Variants in CNBD1 observed in about 807,000 individuals in gnomAD.
CNBD1 encodes the protein cyclic nucleotide-binding domain-containing protein 1.
Under a neutral mutation model 54.4 loss-of-function variants are expected in CNBD1, and 71 were observed. The ratio of observed to expected loss-of-function variants is 1.30; its 90% CI spans 1.08 to 1.59. CNBD1 has a LOEUF of 1.59. CNBD1 is among the 40% of genes most tolerant of loss of function. The probability of loss-of-function intolerance (pLI) is 0.00; values close to 1 mark genes in which losing one functional copy is unlikely to be tolerated. For synonymous variants in CNBD1, 182 were observed against 170.7 expected (o/e 1.07, Z -0.51); for missense variants, 659 against 518.0 (o/e 1.27, Z -2.64).
At chr8:86,900,206 T>C (rs1365196217) in intron 2 of CNBD1, among the ~76,000 whole-genome samples, 1 of 149,998 alleles carries the variant, frequency 6.7e-6, no homozygotes, top group Non-Finnish European at 1.5e-5. Flanking sequence ...ATAAGGTATG[T>C]TCTAAGGTAT....
chr8:86,893,505 T>G (rs1270406182), intron 2 of CNBD1, among the ~76,000 whole-genome samples: 1 of 152,128 alleles, frequency 6.6e-6, no homozygotes, highest in African/African-American at 2.4e-5. Flanking sequence ...TTACTCAAAT[T>G]AGAGGAGTTG....
rs577066512 is a variant in CNBD1, at chr8:87,228,042, A to G, written c.578-8877A>G. 3.3e-5 allele frequency among the ~76,000 whole-genome samples: 5 copies of G among 151,808 alleles called. No individual in the cohort carries two copies. The South Asian group carries it at 1.0e-3, about 32-fold the overall frequency. On this transcript the variant is annotated intron_variant, in intron 5 of 10. Transcript: ENST00000518476. ...TTCCAGTTGATCGCATCGGCTCCTGAGGCTTCTGCATTCTTCCCGTAGTTC... is the reference window on the plus strand; with the variant it reads ...TTCCAGTTGATCGCATCGGCTCCTGGGGCTTCTGCATTCTTCCCGTAGTTC...
In CNBD1 at chr8:87,276,010, A is replaced by T. The variant is rs528985390; in HGVS notation, c.772-8668A>T. 6.6e-5 allele frequency among the ~76,000 whole-genome samples: 10 copies of T among 152,092 alleles called. No homozygotes were observed. The East Asian group carries it at 1.9e-3, about 29-fold the overall frequency. On this transcript the variant is annotated intron_variant, in intron 6 of 10. Coordinates refer to ENST00000518476, the MANE Select transcript of CNBD1 (RefSeq NM_173538.3). ...TAAAAAACCTAGGAATCCACCTTAC[A>T]AGGGACCTGAAGGACAAATAAATTT... is the stretch of plus-strand genomic sequence containing the variant.
intron 6 of CNBD1, among the ~76,000 whole-genome samples, chr8:87,243,618 T>C (rs924177308): frequency 6.6e-6 from 1 of 152,180 alleles, no homozygotes; most frequent in African/African-American, 2.4e-5. Context: ...ATGGGCATTT[T>C]TGAAAGTGGT....
intron 4 of CNBD1, among the ~76,000 whole-genome samples, chr8:86,988,973 C>CA (rs1301300055): frequency 5.3e-5 from 8 of 151,910 alleles, no homozygotes; most frequent in Non-Finnish European, 1.2e-4. Context: ...AATAGTGCTG[C>CA]AAAAAACATG....
intron 8 of CNBD1, among the ~76,000 whole-genome samples, chr8:87,316,621 CT>C (rs540254059): frequency 9.3e-5 from 14 of 150,612 alleles, no homozygotes; most frequent in African/African-American, 1.5e-4. Context: ...TTCTATTACA[CT>C]TTTTTTTTGC....
intron 6 of CNBD1, among the ~76,000 whole-genome samples, chr8:87,257,122 C>A (rs959429452): frequency 1.3e-5 from 2 of 152,090 alleles, no homozygotes; most frequent in East Asian, 1.9e-4. Flanking sequence ...GTAATCCCAG[C>A]GCTTTGGGAG....
At chr8:87,100,350 A>G (rs1250499244) in intron 4 of CNBD1, among the ~76,000 whole-genome samples, 1 of 152,220 alleles carries the variant, frequency 6.6e-6, no homozygotes, top group Non-Finnish European at 1.5e-5. Context: ...AGAAACAGGC[A>G]AAAACTAAAG....
At chr8:87,284,116 A>G (rs13439527) in intron 6 of CNBD1, among the ~76,000 whole-genome samples, 42,732 of 151,904 alleles carry the variant, frequency 0.28, 6,462 homozygotes, top group African/African-American at 0.39. Flanking sequence ...CTTTTTCCTG[A>G]GTAAATATAA....
At chr8:87,278,575 G>T (rs1342950358) in intron 6 of CNBD1, among the ~76,000 whole-genome samples, 1 of 151,418 alleles carries the variant, frequency 6.6e-6, no homozygotes, top group African/African-American at 2.4e-5. Context: ...CCATCTTTTT[G>T]AATGAAGGCA....
chr8:86,915,040 G>A (rs1003585785), intron 3 of CNBD1, among the ~76,000 whole-genome samples: 1 of 152,200 alleles, frequency 6.6e-6, no homozygotes, highest in African/African-American at 2.4e-5. Context: ...AACCACAGTT[G>A]TATTATTACT....
chr8:87,411,403 T>TAC (rs1245517267), intron 2 of CNBD1, among the ~76,000 whole-genome samples: 1 of 129,060 alleles, frequency 7.7e-6, no homozygotes, highest in African/African-American at 3.2e-5. Flanking sequence ...ATATCATATA[T>TAC]ATATATATAT....
At chr8:86,913,808 C>A (rs144709933) in intron 3 of CNBD1, among the ~76,000 whole-genome samples, 2 of 152,076 alleles carry the variant, frequency 1.3e-5, no homozygotes, top group African/African-American at 4.8e-5. Flanking sequence ...TCCTAGCAAG[C>A]GTGGGGGTGC....
chr8:87,111,233 G>T (rs1036475812), intron 4 of CNBD1, among the ~76,000 whole-genome samples: 2 of 152,162 alleles, frequency 1.3e-5, no homozygotes, highest in African/African-American at 4.8e-5. Context: ...TCTGACAGCT[G>T]TTAAGTATGT....
chr8:87,305,352 A>G lies in CNBD1; in HGVS notation c.1042+18681A>G, dbSNP rs1321334092. ...ATTGCCAAAAACAATCTACAAATCA[A>G]TGCACTTCCCATCAAAATACCACCA... On this transcript the variant is annotated intron_variant, in intron 8 of 10. Transcript: ENST00000518476. Among the ~76,000 whole-genome samples the G allele has an allele frequency of 2.0e-5, 3 of 152,258 alleles. No homozygotes were observed. In the East Asian group the frequency reaches 5.8e-4, roughly 29 times the overall value.
At chr8:87,292,282 T>G (rs910896848) in intron 8 of CNBD1, among the ~76,000 whole-genome samples, 6 of 152,158 alleles carry the variant, frequency 3.9e-5, no homozygotes, top group Non-Finnish European at 8.8e-5. Flanking sequence ...TAAAGGCAAT[T>G]TGGATTTAAG....
At chr8:87,154,637 C>A (rs569180725) in intron 4 of CNBD1, among the ~76,000 whole-genome samples, 1 of 152,250 alleles carries the variant, frequency 6.6e-6, no homozygotes, top group South Asian at 2.1e-4. Context: ...AACTTTATTT[C>A]ATATGGTGTT....
intron 4 of CNBD1, among the ~76,000 whole-genome samples, chr8:87,121,393 T>C (rs540055326): frequency 3.3e-4 from 50 of 151,986 alleles, no homozygotes; most frequent in African/African-American, 1.2e-3. Context: ...ATTATTTTTA[T>C]TGACAGGTCA....
intron 2 of CNBD1, among the ~76,000 whole-genome samples, chr8:86,902,411 A>C (rs1339363645): frequency 6.6e-5 from 10 of 152,102 alleles, no homozygotes; most frequent in Admixed American, 6.6e-4. Context: ...GAATACACTG[A>C]ACTTCTTTTA....
Sources: allele counts gnomAD v4.1 joint callset (sites outside exome capture counted in the v4.1 genomes callset), GRCh38; gene constraint gnomAD v4.1.1; transcripts MANE v1.5; gene names NCBI Gene and HGNC (gene_info 2026-07-23, HGNC 2026-07-21).